Variants in MIPOL1 observed in about 807,000 individuals in gnomAD.
The protein encoded by MIPOL1 is mirror-image polydactyly gene 1 protein.
A neutral mutation model predicts 60.9 loss-of-function variants in MIPOL1; 57 were observed. The observed-to-expected ratio is 0.94, with a 90% confidence interval of 0.76 to 1.17. The LOEUF is 1.17. Ranked by LOEUF, MIPOL1 falls within the 50% of genes most tolerant of loss-of-function variation. The pLI is 0.00. For synonymous variants in MIPOL1, 179 were observed against 168.8 expected (o/e 1.06, Z -0.47); for missense variants, 551 against 511.6 (o/e 1.08, Z -0.74).
chr14:37,292,372 T>C (rs2085166061), intron 7 of MIPOL1, among the ~76,000 whole-genome samples: 1 of 152,000 alleles, frequency 6.6e-6, no homozygotes, highest in Non-Finnish European at 1.5e-5. Flanking sequence ...AGTTGTCACA[T>C]CATTTCTTTG....
intron 10 of MIPOL1, among the ~76,000 whole-genome samples, chr14:37,421,995 A>G (rs991948082): frequency 2.6e-5 from 4 of 152,074 alleles, no homozygotes; most frequent in Non-Finnish European, 5.9e-5. Context: ...ACACCATTTA[A>G]AGCAAAGTGA....
chr14:37,298,596 A>G (rs1052440490), intron 7 of MIPOL1, among the ~76,000 whole-genome samples: 14 of 152,324 alleles, frequency 9.2e-5, no homozygotes, highest in African/African-American at 3.4e-4. Context: ...AACTCAAACA[A>G]ATTTACAAGA....
At chr14:37,313,988 A>G (rs1205930154) in intron 9 of MIPOL1, among the ~76,000 whole-genome samples, 5 of 152,176 alleles carry the variant, frequency 3.3e-5, no homozygotes, top group Non-Finnish European at 5.9e-5. Context: ...AGGCCAAATC[A>G]GTGATCTTAC....
At chr14:37,362,218 A>G (rs2153486587) in intron 9 of MIPOL1, among the ~76,000 whole-genome samples, 1 of 151,968 alleles carries the variant, frequency 6.6e-6, no homozygotes, top group Admixed American at 6.5e-5. Context: ...TGGTCTTTAC[A>G]ATTTGGCATG....
In MIPOL1 at chr14:37,549,134, A is replaced by G. The variant is rs1242328540; in HGVS notation, c.*2163A>G. ...ATGAAGGAATAGCCTTGCCTACTGA[A>G]GATAGGTTCTCTATGTATTCAACAA... On this transcript the variant is annotated 3_prime_UTR_variant, in exon 13 of 13. Coordinates refer to ENST00000684589, the MANE Select transcript of MIPOL1 (RefSeq NM_001388067.1). 6.6e-6 allele frequency: 1 copy of G among 151,924 alleles called. No homozygotes were observed. The highest frequency in any genetic ancestry group is 1.5e-5 in the Non-Finnish European group (1 of 67,824). 9.4% of individuals were successfully genotyped at this position (151,924 alleles called of 1,614,324 possible). A position where few individuals can be genotyped will look rare whatever the true frequency, so the allele number is the denominator to read the frequency against.
intron 10 of MIPOL1, chr14:37,400,178 A>G (rs1456867134): frequency 6.6e-6 from 1 of 152,112 alleles, no homozygotes; most frequent in Non-Finnish European, 1.5e-5. Context: ...CTGTTAAAGT[A>G]TTTCATGAAT....
At chr14:37,439,956 T>G (rs1270910274) in intron 11 of MIPOL1, among the ~76,000 whole-genome samples, 1 of 152,092 alleles carries the variant, frequency 6.6e-6, no homozygotes, top group Non-Finnish European at 1.5e-5. Flanking sequence ...CCTCCAAGGG[T>G]CAGTCTCCTG....
chr14:37,487,507 A>G (rs537349051), intron 11 of MIPOL1, among the ~76,000 whole-genome samples: 24 of 152,234 alleles, frequency 1.6e-4, no homozygotes, highest in Admixed American at 1.6e-3. Context: ...TACTGACTCA[A>G]TTTCAGAACT....
At chr14:37,294,090 G>A (rs558883691) in intron 7 of MIPOL1, among the ~76,000 whole-genome samples, 4 of 152,222 alleles carry the variant, frequency 2.6e-5, no homozygotes, top group South Asian at 2.1e-4. Flanking sequence ...TCACACGGCC[G>A]GGAACTCCTC....
chr14:37,517,171 A>G (rs2095376055), intron 12 of MIPOL1, among the ~76,000 whole-genome samples: 1 of 152,200 alleles, frequency 6.6e-6, no homozygotes, highest in Non-Finnish European at 1.5e-5. Context: ...GCTCTAATCT[A>G]GTTCAAAACA....
At chr14:37,270,028 C>T (rs995184896) in intron 5 of MIPOL1, among the ~76,000 whole-genome samples, 18 of 152,042 alleles carry the variant, frequency 1.2e-4, no homozygotes, top group Non-Finnish European at 2.6e-4. Flanking sequence ...GGGGTTTCAT[C>T]ATGTTGGCCA....
chr14:37,285,447 T>C lies in MIPOL1; in HGVS notation c.623T>C (p.Val208Ala), dbSNP rs774998999. Residue 208 changes from valine to alanine, a missense_variant and splice_region_variant, in exon 7 of 13, where the codon GTG (valine) becomes GCG (alanine). Transcript: ENST00000684589. The part of the protein sequence containing the change: ...RAKHMEMSLK[V>A]LENINPEEND... ...AAGCATATGGAAATGTCTCTAAAAG[T>C]GTATGTACACATTTAAAACTCAGTA... 3.7e-6 allele frequency: 6 copies of C among 1,613,304 alleles called. No homozygotes were observed. In the Admixed American group the frequency reaches 1.0e-4, roughly 27 times the overall value.
At chr14:37,244,094 G>A (rs1204428412) in intron 1 of MIPOL1, among the ~76,000 whole-genome samples, 2 of 119,320 alleles carry the variant, frequency 1.7e-5, no homozygotes, top group Non-Finnish European at 3.5e-5. Context: ...TTCCATGTAA[G>A]ACTCACTTCC....
chr14:37,458,448 A>G (rs2094501375), intron 11 of MIPOL1, among the ~76,000 whole-genome samples: 1 of 152,210 alleles, frequency 6.6e-6, no homozygotes, highest in Non-Finnish European at 1.5e-5. Context: ...ATTCAACAGA[A>G]TGGACATCAT....
intron 12 of MIPOL1, among the ~76,000 whole-genome samples, chr14:37,516,329 T>A (rs2095368990): frequency 6.6e-6 from 1 of 152,176 alleles, no homozygotes; most frequent in Admixed American, 6.5e-5. Flanking sequence ...AACATACAGA[T>A]TGTGTTTTAT....
intron 1 of MIPOL1, among the ~76,000 whole-genome samples, chr14:37,201,909 A>G (rs1011646384): frequency 1.3e-5 from 2 of 152,124 alleles, no homozygotes; most frequent in African/African-American, 2.4e-5. Flanking sequence ...ATCATAGCTC[A>G]CTGTAACCTT....
At chr14:37,394,057 C>CAT (rs56361320) in intron 10 of MIPOL1, among the ~76,000 whole-genome samples, 2,227 of 73,212 alleles carry the variant, frequency 0.03, 238 homozygotes, top group South Asian at 0.069. Flanking sequence ...TTAGTAGTGG[C>CAT]ATATATATAT....
At chr14:37,418,578 T>C (rs1480508659) in intron 10 of MIPOL1, among the ~76,000 whole-genome samples, 1 of 152,144 alleles carries the variant, frequency 6.6e-6, no homozygotes, top group Non-Finnish European at 1.5e-5. Flanking sequence ...TTATATATAA[T>C]GTATACAGTG....
intron 1 of MIPOL1, chr14:37,212,338 G>C (rs1015712649): frequency 6.6e-6 from 1 of 152,184 alleles, no homozygotes; most frequent in Admixed American, 6.5e-5. Flanking sequence ...GGCCAGAGAG[G>C]AGACCACTTC....
Sources: gnomAD v4.1 joint callset for allele counts (sites outside exome capture counted in the v4.1 genomes callset) on GRCh38, gnomAD v4.1.1 for gene constraint, MANE v1.5 for transcripts, NCBI Gene and HGNC (gene_info 2026-07-23, HGNC 2026-07-21) for gene names.